ADAM7: variants seen among roughly 807,000 people sequenced by gnomAD.
The protein encoded by ADAM7 is ADAM metallopeptidase domain 7.
In ADAM7, 97 loss-of-function variants were observed where a neutral mutation model predicts 102.9. The observed-to-expected ratio is 0.94, with a 90% CI of 0.80 to 1.12. The LOEUF is 1.12. ADAM7 is among the 50% of genes most tolerant of loss of function. ADAM7 has a pLI of 0.00. For synonymous variants in ADAM7, 334 were observed against 304.4 expected, an observed-to-expected ratio of 1.10 and a Z score of -1.01; for missense variants, 991 against 908.7, an observed-to-expected ratio of 1.09 and a Z score of -1.16.
intron 16 of ADAM7, 126 bp from the exon 17 acceptor site, chr8:24,499,110 T>C (rs1159899759): frequency 1.5e-6 from 1 of 661,100 alleles, no homozygotes; most frequent in Non-Finnish European, 2.4e-6. Flanking sequence ...AATTAAATCA[T>C]GTAAATTGAA....
In ADAM7 at chr8:24,457,755, A is replaced by G. The variant is rs562317311; in HGVS notation, c.234-6127A>G. Among the ~76,000 whole-genome samples, 4 of 152,200 alleles carry G rather than the reference A, an allele frequency of 2.6e-5. No individual in the cohort carries two copies. In the South Asian group the frequency reaches 8.3e-4, roughly 32 times the overall value. ...TCTAGGACCTAAGAAAAATTGCCTA[A>G]CTGCAAATCACAAATATATTGTATG... is the stretch of plus-strand genomic sequence containing the variant. On this transcript the variant is annotated intron_variant, in intron 3 of 21. Transcript: ENST00000175238.
intron 8 of ADAM7, among the ~76,000 whole-genome samples, chr8:24,479,892 G>A (rs891324996): frequency 6.6e-6 from 1 of 152,076 alleles, no homozygotes; most frequent in African/African-American, 2.4e-5. Context: ...GGTGGATACA[G>A]AAAAAAATAT....
chr8:24,468,059 CT>C (rs1039987882), intron 6 of ADAM7, among the ~76,000 whole-genome samples: 1 of 151,916 alleles, frequency 6.6e-6, no homozygotes, highest in African/African-American at 2.4e-5. Context: ...GAGTGAGACC[CT>C]GTCTCAAAAG....
rs115768292 is a variant in ADAM7 at position 24,492,660 on chromosome 8, G to A, written c.1655+63G>A. 3.2e-3 allele frequency: 3,961 copies of A among 1,224,500 alleles called. 109 individuals are homozygous for A. In the African/African-American group the frequency reaches 0.053, roughly 16 times the overall value. The allele number at this position is 1,224,500 out of a possible 1,614,324, so 75.9% of individuals were successfully genotyped here. On this transcript the variant is annotated intron_variant, in intron 15 of 21. Coordinates refer to ENST00000175238, the MANE Select transcript of ADAM7 (RefSeq NM_003817.4). The stretch of plus-strand genomic sequence containing the variant: ...ACAGCACTTTGTCAAAATCAGAATG[G>A]CTCCTGTCCCCAGACCTGTTAATCT...
intron 8 of ADAM7, among the ~76,000 whole-genome samples, chr8:24,481,414 AT>A (rs1312216542): frequency 6.6e-6 from 1 of 152,198 alleles, no homozygotes; most frequent in African/African-American, 2.4e-5. Flanking sequence ...TTGATAGTTT[AT>A]CATTCACTTC....
intron 9 of ADAM7, among the ~76,000 whole-genome samples, chr8:24,484,403 A>G (rs1446214184): frequency 6.6e-6 from 1 of 152,184 alleles, no homozygotes; most frequent in Non-Finnish European, 1.5e-5. Context: ...AATATTCCTG[A>G]AATCAAATCA....
chr8:24,498,266 T>C (rs1033551618), intron 16 of ADAM7, among the ~76,000 whole-genome samples: 1 of 151,700 alleles, frequency 6.6e-6, no homozygotes, highest in Non-Finnish European at 1.5e-5. Context: ...TAGTATCTGA[T>C]TTACTCAATC....
Position 24,489,269 on chromosome 8 carries a change from A to C in ADAM7, c.1202A>C (p.Asp401Ala), listed in dbSNP as rs1460969144. 6.2e-7 allele frequency: 1 copy of C among 1,613,496 alleles called. No homozygotes were observed. The highest frequency in any genetic ancestry group is 8.5e-7 in the Non-Finnish European group (1 of 1,179,718). ...LNIPFPYNFH[D>A]FQFCGNKKLD... ...ATTCCATTTCCTTACAATTTTCATG[A>C]TTTCCAATTTTGTGGAAACAAGAAG... is the stretch of plus-strand genomic sequence containing the variant. The change falls in exon 12 of 22, where the codon GAT becomes GCT. Residue 401 changes from aspartate (D) to alanine (A), a missense_variant. By Grantham distance (126) the Asp-to-Ala change is moderately radical. Transcript: ENST00000175238.
chr8:24,482,585 C>T (rs1038408379), intron 9 of ADAM7, among the ~76,000 whole-genome samples: 2 of 151,902 alleles, frequency 1.3e-5, no homozygotes, highest in African/African-American at 2.4e-5. Context: ...CCCATCTGTA[C>T]AAAAAATTTA....
chr8:24,443,875 A>G (rs565327657), intron 2 of ADAM7, among the ~76,000 whole-genome samples: 89 of 152,224 alleles, frequency 5.8e-4, no homozygotes, highest in South Asian at 3.1e-3. Context: ...CAGAGGTTGC[A>G]GTGAGCCAAG....
At chr8:24,464,566 A>G (rs1819360540) in intron 4 of ADAM7, among the ~76,000 whole-genome samples, 1 of 152,208 alleles carries the variant, frequency 6.6e-6, no homozygotes, top group Non-Finnish European at 1.5e-5. Context: ...CTATACATTT[A>G]AAAAAGTATT....
chr8:24,469,494 A>G (rs867175530), intron 7 of ADAM7, among the ~76,000 whole-genome samples: 6 of 152,160 alleles, frequency 3.9e-5, no homozygotes, highest in African/African-American at 1.4e-4. Context: ...TGCCAAGCAA[A>G]TTTTTTAATA....
At chr8:24,459,817 G>A (rs1819175207) in intron 3 of ADAM7, among the ~76,000 whole-genome samples, 1 of 152,048 alleles carries the variant, frequency 6.6e-6, no homozygotes, top group Non-Finnish European at 1.5e-5. Context: ...TTTCACTGAT[G>A]TCTTTTATCG....
At chr8:24,473,787 A>G (rs1031275421) in intron 7 of ADAM7, among the ~76,000 whole-genome samples, 4 of 152,190 alleles carry the variant, frequency 2.6e-5, no homozygotes, top group Non-Finnish European at 4.4e-5. Context: ...AAAAATTTAC[A>G]TGAGAGTGAC....
At position 24,477,665 on chromosome 8, in the gene ADAM7, T is replaced by G. The variant is rs375578265; in HGVS notation, c.705+1161T>G. On this transcript the variant is annotated intron_variant, in intron 8 of 21. Coordinates refer to ENST00000175238, the MANE Select transcript of ADAM7 (RefSeq NM_003817.4). The stretch of plus-strand genomic sequence containing the variant: ...GCTGTTTTATACTATTTTTAAAAAT[T>G]ATTGATCATTCAAATATTTCAAAGA... 2.7e-4 allele frequency among the ~76,000 whole-genome samples: 41 copies of G among 152,108 alleles called. No individual in the cohort carries two copies. In the East Asian group the frequency reaches 7.3e-3, roughly 27 times the overall value.
At chr8:24,449,273 T>C (rs955441129) in intron 3 of ADAM7, among the ~76,000 whole-genome samples, 1 of 152,188 alleles carries the variant, frequency 6.6e-6, no homozygotes, top group Non-Finnish European at 1.5e-5. Context: ...CCACCAACAA[T>C]GTAAAAGTGT....
intron 18 of ADAM7, among the ~76,000 whole-genome samples, chr8:24,500,578 C>T (rs1485164584): frequency 6.6e-6 from 1 of 152,040 alleles, no homozygotes; most frequent in Non-Finnish European, 1.5e-5. Flanking sequence ...TTAAATATAA[C>T]GGAATATTGG....
intron 12 of ADAM7, chr8:24,490,493 GAA>G (rs1171335051): frequency 4.1e-5 from 10 of 244,792 alleles, no homozygotes; most frequent in African/African-American, 2.2e-4. Flanking sequence ...TCAGTACAGG[GAA>G]GCAGTATGAC....
intron 21 of ADAM7, 106 bp downstream of exon 21, chr8:24,507,641 T>C: frequency 1.1e-6 from 1 of 872,854 alleles, no homozygotes; most frequent in Non-Finnish European, 1.7e-6. Context: ...TCCTCTGTAC[T>C]TATCACAACA....
Sources: gnomAD v4.1 joint callset for allele counts (sites outside exome capture counted in the v4.1 genomes callset) on GRCh38, gnomAD v4.1.1 for gene constraint, MANE v1.5 for transcripts, NCBI Gene and HGNC (gene_info 2026-07-23, HGNC 2026-07-21) for gene names.